The following CHDH variants were observed in gnomAD, a reference collection of about 807,000 sequenced individuals.
CHDH encodes choline dehydrogenase, mitochondrial.
A neutral mutation model predicts 56.9 loss-of-function variants in CHDH; 43 were observed. The ratio of observed to expected loss-of-function variants is 0.76; its 90% CI spans 0.59 to 0.97. The LOEUF (loss-of-function observed/expected upper bound fraction) is 0.97, where lower values mean the gene tolerates loss of function less well. Among genes scored for constraint, CHDH ranks in the 50% least tolerant of loss-of-function variants. The pLI, the probability that CHDH is intolerant of heterozygous loss-of-function variation, is 0.00. For missense variants in CHDH, 816 were observed against 821.1 expected (o/e 0.99, Z 0.08); for synonymous variants, 364 against 348.5 (o/e 1.04, Z -0.50).
intron 5 of CHDH, 131 bp downstream of exon 5, chr3:53,821,516 C>G (rs1019194688): frequency 2.5e-6 from 2 of 808,556 alleles, no homozygotes; most frequent in African/African-American, 1.7e-5. Context: ...TTCGGGCTCT[C>G]GGGGACAATG....
intron 2 of CHDH, among the ~76,000 whole-genome samples, chr3:53,837,503 C>T: frequency 6.6e-6 from 1 of 152,258 alleles, no homozygotes; most frequent in East Asian, 1.9e-4. Flanking sequence ...TGCCAGGCCG[C>T]ACCGTGTGAC....
At position 53,815,022 on chromosome 3, in the gene CHDH, T is replaced by G. The variant is rs2095613455; in HGVS notation, c.*2755A>C. On this transcript the variant is annotated 3_prime_UTR_variant, in exon 9 of 9. Transcript: ENST00000315251. Reference sequence around the variant, plus strand: ...CAACCTTCGCTACAAGCAGAAAGACTAGATGTTTGGGTGCCTACAACTCCT... The same window carrying G: ...CAACCTTCGCTACAAGCAGAAAGACGAGATGTTTGGGTGCCTACAACTCCT... The G allele has an allele frequency of 6.6e-6, 1 of 152,186 alleles. No homozygotes were observed. Among genetic ancestry groups the G allele is most frequent in the South Asian group, 2.1e-4 (1 of 4,834 alleles). 9.4% of individuals were successfully genotyped at this position (152,186 alleles called of 1,614,324 possible).
chr3:53,840,425 G>T (rs1421049957), intron 2 of CHDH, among the ~76,000 whole-genome samples: 1 of 152,058 alleles, frequency 6.6e-6, no homozygotes, highest in African/African-American at 2.4e-5. Context: ...CTCCTTAGAA[G>T]GCTGAGGTGG....
At position 53,823,451 on chromosome 3, in the gene CHDH, C is replaced by T. The variant is rs373647461; in HGVS notation, c.558G>A (p.Pro186=). 2 of 1,562,726 alleles carry T rather than the reference C, an allele frequency of 1.3e-6. No individual in the cohort carries two copies. The highest frequency in any genetic ancestry group is 1.7e-6 in the Non-Finnish European group (2 of 1,154,296). Residue 186 remains proline (P), a synonymous_variant, in exon 3 of 9, where the codon CCG becomes CCA. Transcript: ENST00000315251. ...GASRYRGADG[P]LRVSRGKTNH... is the part of the protein sequence containing the mutation. ...TGGTCTTGCCCCGGGACACCCGCAG[C>T]GGGCCATCGGCGCCCCGGTACCGGC... is the stretch of plus-strand genomic sequence containing the variant.
In CHDH at chr3:53,846,082, C is replaced by T. The variant is rs1375143989; in HGVS notation, c.-131+1G>A. On this transcript the variant is annotated splice_donor_variant, in intron 1 of 8. Transcript: ENST00000315251. LOFTEE classifies it low-confidence loss of function (5UTR_SPLICE). ...GTCGGGGCGCCTCCGCGGCTACTCA[C>T]CCGGGGCGACTCGGCCGAGAGCCCG... The T allele has an allele frequency of 6.6e-6, 1 of 152,326 alleles. No individual in the cohort carries two copies. Among genetic ancestry groups the T allele is most frequent in the Non-Finnish European group, 1.5e-5 (1 of 68,150 alleles). 9.4% of individuals were successfully genotyped at this position (152,326 alleles called of 1,614,324 possible). A position where few individuals can be genotyped will look rare whatever the true frequency, so the allele number is the denominator to read the frequency against.
chr3:53,833,294 C>A (rs1471635817), intron 2 of CHDH, among the ~76,000 whole-genome samples: 1 of 152,172 alleles, frequency 6.6e-6, no homozygotes, highest in African/African-American at 2.4e-5. Flanking sequence ...CATTTGAAAA[C>A]CCCACCCCGT....
intron 1 of CHDH, among the ~76,000 whole-genome samples, chr3:53,842,698 C>G (rs756277731): frequency 2.0e-5 from 3 of 152,228 alleles, no homozygotes; most frequent in Non-Finnish European, 4.4e-5. Flanking sequence ...GGGCCAGCCC[C>G]TCCTACTAGA....
intron 2 of CHDH, among the ~76,000 whole-genome samples, chr3:53,832,057 T>C (rs1402040639): frequency 1.3e-5 from 2 of 152,166 alleles, no homozygotes; most frequent in Non-Finnish European, 2.9e-5. Context: ...GCAAATTCTG[T>C]AGAAGACAGG....
At chr3:53,822,357 GCCCCTCC>G in intron 4 of CHDH, 127 bp downstream of exon 4, 4 of 804,148 alleles carry the variant, frequency 5.0e-6, no homozygotes, top group Non-Finnish European at 7.8e-6. Flanking sequence ...TCAGCTACTC[GCCCCTCC>G]CCCCGCCATC....
At chr3:53,822,409 G>T in intron 4 of CHDH, 82 bp downstream of exon 4, 1 of 1,349,092 alleles carries the variant, frequency 7.4e-7, no homozygotes, top group Non-Finnish European at 1.0e-6. Context: ...GGGTGAGGGC[G>T]TGACTCCTGC....
chr3:53,843,206 G>GTTTC (rs1263452743), intron 1 of CHDH, among the ~76,000 whole-genome samples: 11 of 123,668 alleles, frequency 8.9e-5, no homozygotes, highest in African/African-American at 2.4e-4. Flanking sequence ...TTTTTTTTTG[G>GTTTC]TTCTGCCTCT....
chr3:53,828,261 C>CCTAAATGTAAAATATAAAA (rs1345344629), intron 2 of CHDH, among the ~76,000 whole-genome samples: 1 of 151,584 alleles, frequency 6.6e-6, no homozygotes, highest in East Asian at 1.9e-4. Flanking sequence ...GGATCACAGA[C>CCTAAATGTAAAATATAAAA]CTAAATGTAA....
At chr3:53,837,543 T>C (rs995061479) in intron 2 of CHDH, among the ~76,000 whole-genome samples, 2 of 152,236 alleles carry the variant, frequency 1.3e-5, no homozygotes, top group African/African-American at 4.8e-5. Flanking sequence ...TGGTAAGGCG[T>C]GGGCGCTGGC....
At chr3:53,824,264 A>T (rs1392610213) in intron 2 of CHDH, among the ~76,000 whole-genome samples, 197 bp from the exon 3 acceptor site, 1 of 152,208 alleles carries the variant, frequency 6.6e-6, no homozygotes, top group East Asian at 1.9e-4. Context: ...AGGCCAGGGG[A>T]TGGGGCAGCA....
Position 53,837,061 on chromosome 3 carries a change from G to A in CHDH, c.-60+3868C>T, listed in dbSNP as rs114256076. 8.3e-3 allele frequency among the ~76,000 whole-genome samples: 1,268 copies of A among 152,246 alleles called. 20 individuals are homozygous for A. The highest frequency in any genetic ancestry group is 0.029 in the African/African-American group (1,203 of 41,522). Reference sequence around the variant, plus strand: ...GTTTTTTAATTAGCCAGGCACGGTGGTGTGTACCTATAGTCCTAGCTACTC... The same window carrying A: ...GTTTTTTAATTAGCCAGGCACGGTGATGTGTACCTATAGTCCTAGCTACTC... On this transcript the variant is annotated intron_variant, in intron 2 of 8. Coordinates refer to ENST00000315251, the MANE Select transcript of CHDH (RefSeq NM_018397.5).
rs2095616459 is a variant in CHDH at position 53,816,719 on chromosome 3, TG to T, written c.*1057del. ...GTACGTGGGGTTTGCTCTTGGTTTC[TG>T]CATTTCTTGGTAAAAGGAAAACCTT... On this transcript the variant is annotated 3_prime_UTR_variant, in exon 9 of 9. Coordinates refer to ENST00000315251, the MANE Select transcript of CHDH (RefSeq NM_018397.5). 4 of 152,232 alleles carry T rather than the reference TG, an allele frequency of 2.6e-5. No homozygotes were observed. Among genetic ancestry groups the T allele is most frequent in the Admixed American group, 2.6e-4 (4 of 15,270 alleles). The allele number at this position is 152,232 out of a possible 1,614,324, so 9.4% of individuals were successfully genotyped here. A position where few individuals can be genotyped will look rare whatever the true frequency, so the allele number is the denominator to read the frequency against.
chr3:53,823,437 C>T lies in CHDH; in HGVS notation c.572G>A (p.Arg191Gln), dbSNP rs1313966066. The change falls in exon 3 of 9, where the codon CGG (arginine) becomes CAG (glutamine). Residue 191 changes from arginine (R) to glutamine (Q), a missense_variant. Coordinates refer to ENST00000315251, the MANE Select transcript of CHDH (RefSeq NM_018397.5). ...RGADGPLRVS[R>Q]GKTNHPLHCA... Reference sequence around the variant, plus strand: ...GTGCAGCGGGTGGTTGGTCTTGCCCCGGGACACCCGCAGCGGGCCATCGGC... The same window carrying T: ...GTGCAGCGGGTGGTTGGTCTTGCCCTGGGACACCCGCAGCGGGCCATCGGC... 6.3e-7 allele frequency: 1 copy of T among 1,575,946 alleles called. No homozygotes were observed. Among genetic ancestry groups the T allele is most frequent in the South Asian group, 1.2e-5 (1 of 86,364 alleles).
intron 4 of CHDH, 68 bp from the exon 5 acceptor site, chr3:53,821,844 C>G: frequency 6.3e-7 from 1 of 1,582,104 alleles, no homozygotes; most frequent in South Asian, 1.1e-5. Context: ...GACCAGCGCC[C>G]TACTCTAGCC....
intron 2 of CHDH, among the ~76,000 whole-genome samples, chr3:53,832,486 C>T (rs1490663464): frequency 6.6e-6 from 1 of 151,408 alleles, no homozygotes; most frequent in Non-Finnish European, 1.5e-5. Context: ...GAGCCGAGAT[C>T]GTACCACTGC....
Sources: allele counts gnomAD v4.1 joint callset (sites outside exome capture counted in the v4.1 genomes callset), GRCh38; gene constraint gnomAD v4.1.1; transcripts MANE v1.5; gene names NCBI Gene and HGNC (gene_info 2026-07-23, HGNC 2026-07-21).